The following GPHN variants were observed in gnomAD, a reference collection of about 807,000 sequenced individuals.
GPHN encodes the protein gephyrin.
In GPHN, 17 loss-of-function variants were observed where a neutral mutation model predicts 95.5. The observed-to-expected ratio is 0.18, with a 90% CI of 0.12 to 0.27. The LOEUF is 0.27. GPHN is among the 10% of genes least tolerant of loss of function. GPHN has a pLI of 1.00. For synonymous variants in GPHN, 320 were observed against 322.5 expected (o/e 0.99, Z 0.08); for missense variants, 660 against 978.1 (o/e 0.67, Z 4.34).
intron 17 of GPHN, among the ~76,000 whole-genome samples, chr14:67,124,261 C>T (rs2153693378): frequency 6.6e-6 from 1 of 152,190 alleles, no homozygotes; most frequent in East Asian, 1.9e-4. Context: ...TGAAAATTAG[C>T]TGGGGGTAGT....
intron 8 of GPHN, among the ~76,000 whole-genome samples, chr14:66,963,792 C>T (rs1031866557): frequency 1.3e-4 from 20 of 151,934 alleles, no homozygotes; most frequent in Non-Finnish European, 2.4e-4. Flanking sequence ...GAAATGGTGG[C>T]AATATCTTTG....
At chr14:66,763,672 A>G (rs1405711096) in intron 2 of GPHN, among the ~76,000 whole-genome samples, 1 of 151,928 alleles carries the variant, frequency 6.6e-6, no homozygotes, top group Non-Finnish European at 1.5e-5. Context: ...TTCATATTGT[A>G]TTAGGTATCA....
chr14:67,120,315 A>T (rs1207453909), intron 16 of GPHN, among the ~76,000 whole-genome samples: 1 of 152,320 alleles, frequency 6.6e-6, no homozygotes, highest in East Asian at 1.9e-4. Context: ...AGAAAATAAG[A>T]TTCAGTTTTA....
the GPHN span, among the ~76,000 whole-genome samples, chr14:67,595,308 T>C: frequency 2.0e-5 from 3 of 152,114 alleles, no homozygotes; most frequent in African/African-American, 7.2e-5. Flanking sequence ...TGAAGTACCG[T>C]TCCTACTTGA....
intron 2 of GPHN, among the ~76,000 whole-genome samples, chr14:66,714,165 G>T (rs1175784479): frequency 1.3e-5 from 2 of 152,106 alleles, no homozygotes; most frequent in African/African-American, 4.8e-5. Context: ...CTGTGATTTT[G>T]TTCAGCAGTG....
the GPHN span, chr14:67,228,271 A>C: frequency 1.4e-5 from 3 of 221,554 alleles, no homozygotes; most frequent in Non-Finnish European, 2.3e-5. Context: ...TTATATCAAG[A>C]AGAAAAGTTG....
At chr14:66,999,962 T>C (rs1465735727) in intron 9 of GPHN, among the ~76,000 whole-genome samples, 1 of 151,860 alleles carries the variant, frequency 6.6e-6, no homozygotes, top group Non-Finnish European at 1.5e-5. Context: ...TTTACAGCCT[T>C]ATCTTTAATG....
intron 12 of GPHN, among the ~76,000 whole-genome samples, chr14:67,099,089 C>T (rs572487333): frequency 1.3e-5 from 2 of 151,080 alleles, no homozygotes; most frequent in Non-Finnish European, 2.9e-5. Context: ...GAAGCAATGA[C>T]GTCTATGTCT....
At chr14:67,406,720 CT>C in the GPHN span, among the ~76,000 whole-genome samples, 1 of 152,198 alleles carries the variant, frequency 6.6e-6, no homozygotes, top group East Asian at 1.9e-4. Context: ...CAGCTGGAGG[CT>C]GCTGGAATAG....
chr14:66,733,562 A>G (rs2071990295), intron 2 of GPHN, among the ~76,000 whole-genome samples: 1 of 152,108 alleles, frequency 6.6e-6, no homozygotes, highest in African/African-American at 2.4e-5. Flanking sequence ...TCTCTTCATT[A>G]TGTTGCTATA....
At chr14:66,920,252 G>A (rs950326192) in intron 6 of GPHN, among the ~76,000 whole-genome samples, 9 of 152,140 alleles carry the variant, frequency 5.9e-5, no homozygotes, top group East Asian at 1.9e-4. Flanking sequence ...TAGAAATAAC[G>A]CAAGAATTAA....
chr14:66,942,600 C>T (rs1374977675), intron 8 of GPHN, among the ~76,000 whole-genome samples: 1 of 152,146 alleles, frequency 6.6e-6, no homozygotes, highest in African/African-American at 2.4e-5. Context: ...GACATAACAA[C>T]CTTAATTATG....
At chr14:66,939,072 AC>A (rs765764590) in intron 8 of GPHN, among the ~76,000 whole-genome samples, 1 of 152,280 alleles carries the variant, frequency 6.6e-6, no homozygotes, top group East Asian at 1.9e-4. Context: ...TAAAGCTAAG[AC>A]CCACAATACA....
In GPHN at chr14:67,101,141, T is replaced by C. The variant is rs111463476; in HGVS notation, c.1293+230T>C. ...GTATTATTAGTATGTCTCACAGACA[T>C]GCCTTACAAGCATTTTCCAGACCTG... On this transcript the variant is annotated intron_variant, in intron 13 of 22. Transcript: ENST00000478722. Among the ~76,000 whole-genome samples the C allele has an allele frequency of 6.0e-4, 92 of 152,314 alleles. 2 individuals carry two copies. Among genetic ancestry groups the C allele is most frequent in the African/African-American group, 1.9e-3 (81 of 41,566 alleles).
chr14:67,128,358 G>A (rs775976139), intron 17 of GPHN, among the ~76,000 whole-genome samples: 1 of 151,828 alleles, frequency 6.6e-6, no homozygotes, highest in Non-Finnish European at 1.5e-5. Context: ...CCGGGTTCAA[G>A]TGATTCTCCT....
At chr14:67,586,122 T>A in the GPHN span, 1 of 1,612,446 alleles carries the variant, frequency 6.2e-7, no homozygotes, top group Non-Finnish European at 8.5e-7. Flanking sequence ...TGTTAAAACG[T>A]TCTACTCTGG....
intron 1 of GPHN, among the ~76,000 whole-genome samples, chr14:66,604,026 A>G (rs530756832): frequency 3.3e-5 from 5 of 152,240 alleles, no homozygotes; most frequent in South Asian, 2.1e-4. Flanking sequence ...TGTTTTTAAT[A>G]TTAGCCTATC....
chr14:67,630,987 C>T, the GPHN span, among the ~76,000 whole-genome samples: 440 of 152,314 alleles, frequency 2.9e-3, 1 homozygote, highest in South Asian at 0.012. Context: ...AACTAACACT[C>T]GGCAGTGCCC....
chr14:67,336,671 T>TTTGAC, the GPHN span: 4 of 455,266 alleles, frequency 8.8e-6, no homozygotes, highest in Admixed American at 7.1e-5. Context: ...AGCTGTGCTC[T>TTTGAC]TTGACTTGTC....
Sources: gnomAD v4.1 joint callset for allele counts (sites outside exome capture counted in the v4.1 genomes callset) on GRCh38, gnomAD v4.1.1 for gene constraint, MANE v1.5 for transcripts, NCBI Gene and HGNC (gene_info 2026-07-23, HGNC 2026-07-21) for gene names.